The following ZFYVE1 variants were observed in gnomAD, a reference collection of about 807,000 sequenced individuals.
ZFYVE1 encodes zinc finger FYVE-type containing 1, also known as zinc finger FYVE domain-containing protein 1.
A neutral mutation model predicts 74.4 loss-of-function variants in ZFYVE1; 30 were observed. The ratio of observed to expected loss-of-function variants is 0.40; its 90% CI spans 0.30 to 0.55. The LOEUF (loss-of-function observed/expected upper bound fraction) is 0.55, where lower values mean the gene tolerates loss of function less well. ZFYVE1 is among the 20% of genes least tolerant of loss of function. The pLI is 0.42. For missense variants in ZFYVE1, 703 were observed against 1,011.6 expected (o/e 0.69, Z 4.14); for synonymous variants, 335 against 385.1 (o/e 0.87, Z 1.52).
Position 72,974,845 on chromosome 14 carries a change from G to A in ZFYVE1, c.1921C>T (p.Arg641Trp), listed in dbSNP as rs774955449. 3.1e-6 allele frequency: 5 copies of A among 1,613,942 alleles called. No homozygotes were observed. Among genetic ancestry groups the A allele is most frequent in the Non-Finnish European group, 4.2e-6 (5 of 1,179,906 alleles). Residue 641 changes from arginine (R) to tryptophan (W), a missense_variant, in exon 10 of 12, where the codon CGG becomes TGG. By Grantham distance (101) the Arg-to-Trp change is moderately radical. Transcript: ENST00000556143. ...CGCACTGGCGCAGGGCCCCAGCCCCGCTCAGGCACTGGCCGAGTCTTTGAT... is the reference window on the plus strand; with the variant it reads ...CGCACTGGCGCAGGGCCCCAGCCCCACTCAGGCACTGGCCGAGTCTTTGAT... ...CSSKTRPVPE[R>W]GWGPAPVRVC...
chr14:73,013,561 T>G (rs760641400), intron 2 of ZFYVE1, among the ~76,000 whole-genome samples: 2 of 150,510 alleles, frequency 1.3e-5, no homozygotes, highest in Non-Finnish European at 3.0e-5. Flanking sequence ...ATTGCGCCAC[T>G]GCACTCCAGC....
At chr14:72,980,808 G>A (rs1160499073) in intron 5 of ZFYVE1, among the ~76,000 whole-genome samples, 4 of 151,842 alleles carry the variant, frequency 2.6e-5, no homozygotes, top group Admixed American at 6.6e-5. Context: ...CACCTGCCTC[G>A]GCCTCCCCAA....
intron 3 of ZFYVE1, among the ~76,000 whole-genome samples, chr14:72,994,166 T>C (rs1893689892): frequency 6.7e-6 from 1 of 149,386 alleles, no homozygotes; most frequent in Non-Finnish European, 1.5e-5. Flanking sequence ...CTACTAAAAA[T>C]ACAAAAATTA....
intron 2 of ZFYVE1, among the ~76,000 whole-genome samples, chr14:73,000,501 G>A (rs1047463867): frequency 1.3e-5 from 2 of 152,090 alleles, no homozygotes; most frequent in Admixed American, 1.3e-4. Context: ...CTACTCAGGA[G>A]GCTGAAGCAA....
chr14:72,979,641 G>A (rs1893272461), intron 5 of ZFYVE1, among the ~76,000 whole-genome samples: 1 of 149,616 alleles, frequency 6.7e-6, no homozygotes, highest in African/African-American at 2.5e-5. Flanking sequence ...GCAACAGCGA[G>A]ACTCTGTCTT....
intron 3 of ZFYVE1, among the ~76,000 whole-genome samples, chr14:72,993,647 T>A (rs12881153): frequency 2.7e-5 from 4 of 150,392 alleles, no homozygotes; most frequent in African/African-American, 9.8e-5. Flanking sequence ...TGCAGTAAGC[T>A]GAAATCGCAC....
At position 72,990,689 on chromosome 14, in the gene ZFYVE1, C is replaced by CTTT. The variant is rs369030778; in HGVS notation, c.1203+2451_1203+2453dup. ...AAGGGCGTGAGCCACCGCACCTGGCCTTTTTTTTTTTTTTTTTTTTTTTTT... is the reference window on the plus strand; with the variant it reads ...AAGGGCGTGAGCCACCGCACCTGGCCTTTTTTTTTTTTTTTTTTTTTTTTTTTT... On this transcript the variant is annotated intron_variant, in intron 4 of 11. Transcript: ENST00000556143. Among the ~76,000 whole-genome samples the CTTT allele has an allele frequency of 2.3e-3, 153 of 66,696 alleles. 29 individuals are homozygous for CTTT. Among genetic ancestry groups the CTTT allele is most frequent in the African/African-American group, 3.1e-3 (57 of 18,536 alleles). 43.8% of individuals were successfully genotyped at this position (66,696 alleles called of 152,430 possible).
At chr14:72,985,311 A>G (rs1352663752) in intron 4 of ZFYVE1, among the ~76,000 whole-genome samples, 3 of 148,556 alleles carry the variant, frequency 2.0e-5, no homozygotes, top group African/African-American at 7.7e-5. Context: ...AAATGCCACC[A>G]TGCCCCAATA....
Position 73,024,332 on chromosome 14 carries a change from C to T in ZFYVE1, c.177G>A (p.Glu59=), listed in dbSNP as rs749275498. Reference sequence around the variant, plus strand: ...CATGGCCAGGTTTGAGTCTTATCCGCTCATGGTTTCTCAGGCGCTCCTGCC... The same window carrying T: ...CATGGCCAGGTTTGAGTCTTATCCGTTCATGGTTTCTCAGGCGCTCCTGCC... ...LHRQERLRNH[E]RIRLKPGHVP... The change falls in exon 2 of 12, where the codon GAG becomes GAA. Residue 59 remains glutamate, a synonymous_variant. Transcript: ENST00000556143. The T allele has an allele frequency of 2.5e-6, 4 of 1,614,118 alleles. No homozygotes were observed. The South Asian group carries it at 3.3e-5, about 13-fold the overall frequency.
At chr14:72,974,540 C>A (rs1003541217) in intron 10 of ZFYVE1, among the ~76,000 whole-genome samples, 2 of 152,184 alleles carry the variant, frequency 1.3e-5, no homozygotes, top group Non-Finnish European at 2.9e-5. Context: ...TTGCTATGTG[C>A]GCATTCCCTT....
At chr14:72,998,868 G>T (rs967159920) in intron 2 of ZFYVE1, among the ~76,000 whole-genome samples, 1 of 151,672 alleles carries the variant, frequency 6.6e-6, no homozygotes, top group Admixed American at 6.6e-5. Flanking sequence ...AAAAAGAAAG[G>T]GGGGTGGGGC....
intron 4 of ZFYVE1, among the ~76,000 whole-genome samples, chr14:72,982,837 A>G (rs1369644471): frequency 6.6e-6 from 1 of 151,978 alleles, no homozygotes; most frequent in Non-Finnish European, 1.5e-5. Flanking sequence ...TAAACGAAGA[A>G]CAATTAGAAC....
intron 2 of ZFYVE1, among the ~76,000 whole-genome samples, chr14:73,005,923 ATT>A (rs879743746): frequency 3.5e-5 from 5 of 143,192 alleles, no homozygotes; most frequent in Non-Finnish European, 1.5e-5. Context: ...ATCAAAACAC[ATT>A]TTTTTTTTTT....
intron 4 of ZFYVE1, chr14:72,986,848 C>T: frequency 1.0e-6 from 1 of 982,614 alleles, no homozygotes; most frequent in Non-Finnish European, 1.2e-6. Context: ...TCTTTACATA[C>T]CACCTGATCC....
intron 5 of ZFYVE1, 177 bp from the exon 6 acceptor site, chr14:72,979,146 T>TG (rs1472886616): frequency 1.7e-6 from 1 of 596,062 alleles, no homozygotes; most frequent in East Asian, 2.9e-5. Context: ...TTGTTACACT[T>TG]GCAATCAACA....
At position 73,010,568 on chromosome 14, in the gene ZFYVE1, C is replaced by A. The variant is rs145957074; in HGVS notation, c.484-12253G>T. 5.9e-4 allele frequency among the ~76,000 whole-genome samples: 89 copies of A among 151,852 alleles called. No homozygotes were observed. The East Asian group carries it at 0.017, about 28-fold the overall frequency. On this transcript the variant is annotated intron_variant, in intron 2 of 11. Transcript: ENST00000556143. ...TGAGCTGAGATCGCACCATTGCACT[C>A]CAGCCTGGGCAACAAGAGTGAAACT...
intron 4 of ZFYVE1, among the ~76,000 whole-genome samples, chr14:72,988,575 G>C (rs1893537265): frequency 6.6e-6 from 1 of 151,798 alleles, no homozygotes; most frequent in Non-Finnish European, 1.5e-5. Context: ...GGGAGGCGGA[G>C]GTGGGCGGGT....
chr14:72,988,261 G>A (rs1226493504), intron 4 of ZFYVE1, among the ~76,000 whole-genome samples: 11 of 148,536 alleles, frequency 7.4e-5, no homozygotes, highest in African/African-American at 1.8e-4. Context: ...TGCAACCTCC[G>A]TCTCCGGGGT....
chr14:72,974,716 G>A, intron 10 of ZFYVE1, 63 bp downstream of exon 10: 1 of 1,533,494 alleles, frequency 6.5e-7, no homozygotes. Context: ...CCAGTTCTTA[G>A]CACCCAGGGC....
Sources: allele counts gnomAD v4.1 joint callset (sites outside exome capture counted in the v4.1 genomes callset), GRCh38; gene constraint gnomAD v4.1.1; transcripts MANE v1.5; gene names NCBI Gene and HGNC (gene_info 2026-07-23, HGNC 2026-07-21).